The following EFCAB5 variants were observed in gnomAD, a reference collection of about 807,000 sequenced individuals.
The protein encoded by EFCAB5 is EF-hand calcium-binding domain-containing protein 5.
In EFCAB5, 131 loss-of-function variants were observed where a neutral mutation model predicts 167.9. That is an observed-to-expected ratio of 0.78 (90% CI 0.68 to 0.90). The LOEUF (loss-of-function observed/expected upper bound fraction) is 0.90. Among genes scored for constraint, EFCAB5 ranks in the 40% least tolerant of loss-of-function variants. The probability of loss-of-function intolerance (pLI) is 0.00; values close to 1 mark genes in which losing one functional copy is unlikely to be tolerated. For synonymous variants in EFCAB5, 574 were observed against 602.8 expected, an observed-to-expected ratio of 0.95 and a Z score of 0.70; for missense variants, 1,663 against 1,745.2, an observed-to-expected ratio of 0.95 and a Z score of 0.84.
intron 14 of EFCAB5, chr17:30,073,748 A>T (rs918259866): frequency 3.5e-5 from 24 of 693,826 alleles, no homozygotes; most frequent in South Asian, 3.4e-4. Flanking sequence ...TACATGCCCT[A>T]TGCATCCCAT....
At chr17:30,000,050 C>A in intron 7 of EFCAB5, 74 bp downstream of exon 7, 2 of 1,083,966 alleles carry the variant, frequency 1.8e-6, no homozygotes, top group Non-Finnish European at 2.7e-6. Flanking sequence ...GGCTGTCACA[C>A]ATCATTAAAT....
intron 14 of EFCAB5, among the ~76,000 whole-genome samples, chr17:30,063,916 C>T (rs2070491989): frequency 6.6e-6 from 1 of 152,236 alleles, no homozygotes; most frequent in Non-Finnish European, 1.5e-5. Flanking sequence ...ATGTTGAACA[C>T]AGCTGAAGAA....
intron 4 of EFCAB5, among the ~76,000 whole-genome samples, chr17:29,987,844 C>T (rs188433336): frequency 1.1e-3 from 165 of 152,264 alleles, no homozygotes; most frequent in Middle Eastern, 6.8e-3. Flanking sequence ...ATGTTTAACA[C>T]GGGCAGAAGA....
At chr17:30,023,358 G>A (rs896583268) in intron 7 of EFCAB5, among the ~76,000 whole-genome samples, 60 of 151,878 alleles carry the variant, frequency 4.0e-4, no homozygotes, top group Non-Finnish European at 5.9e-4. Context: ...TATCACCACC[G>A]ATCCCACAGA....
intron 8 of EFCAB5, among the ~76,000 whole-genome samples, chr17:30,048,124 A>C (rs1200318642): frequency 6.6e-6 from 1 of 152,172 alleles, no homozygotes; most frequent in Non-Finnish European, 1.5e-5. Context: ...GTCAGATAAT[A>C]AATGCTATTT....
At chr17:30,062,591 T>C (rs1484236949) in intron 14 of EFCAB5, among the ~76,000 whole-genome samples, 2 of 152,210 alleles carry the variant, frequency 1.3e-5, no homozygotes, top group Admixed American at 6.5e-5. Context: ...GTGGCCCGTG[T>C]GGCTACTGCA....
At chr17:30,060,379 T>A (rs1456550312) in intron 14 of EFCAB5, among the ~76,000 whole-genome samples, 4 of 152,196 alleles carry the variant, frequency 2.6e-5, no homozygotes. Flanking sequence ...TTTTGTGTAT[T>A]ATATTTTTCT....
chr17:29,992,621 C>G (rs1351059966), intron 4 of EFCAB5, among the ~76,000 whole-genome samples: 1 of 152,178 alleles, frequency 6.6e-6, no homozygotes. Context: ...GCTGGGATTA[C>G]AGGCATGAGC....
chr17:29,958,564 A>G (rs2067661387), intron 3 of EFCAB5, among the ~76,000 whole-genome samples: 2 of 152,180 alleles, frequency 1.3e-5, no homozygotes, highest in African/African-American at 4.8e-5. Flanking sequence ...CTTGAATTTC[A>G]TTGAGCTTCC....
chr17:30,055,657 A>C (rs996828407), intron 10 of EFCAB5, among the ~76,000 whole-genome samples: 3 of 152,162 alleles, frequency 2.0e-5, no homozygotes, highest in Non-Finnish European at 2.9e-5. Flanking sequence ...ATGTAGCCTC[A>C]TTTTGCATGG....
Position 30,078,305 on chromosome 17 carries a change from T to C in EFCAB5, c.2828T>C (p.Val943Ala). Residue 943 changes from valine (V) to alanine (A), a missense_variant, in exon 15 of 23, where the codon GTG becomes GCG. By Grantham distance (64) the Val-to-Ala change is moderately conservative (BLOSUM62 0). Coordinates refer to ENST00000394835, the MANE Select transcript of EFCAB5 (RefSeq NM_198529.4). ...TTTCAGAATTACATAGAATTGGTTG[T>C]GTCTGAACTCAGGGGCAATGAAGAC... ...KQFQNYIELV[V>A]SELRGNEDQV... 6.2e-7 allele frequency: 1 copy of C among 1,614,034 alleles called. No individual in the cohort carries two copies. Among genetic ancestry groups the C allele is most frequent in the Non-Finnish European group, 8.5e-7 (1 of 1,179,886 alleles).
At chr17:30,105,398 A>G (rs2071436183) in intron 22 of EFCAB5, among the ~76,000 whole-genome samples, 1 of 152,140 alleles carries the variant, frequency 6.6e-6, no homozygotes, top group Non-Finnish European at 1.5e-5. Context: ...GAGGCAGGAA[A>G]ATCGCTTGAA....
In EFCAB5 at chr17:30,057,723, GGCAGAACTGC is replaced by G; in HGVS notation, c.2414_2423del (p.Gly805AlafsTer26). The G allele has an allele frequency of 6.2e-7, 1 of 1,613,766 alleles. No individual in the cohort carries two copies. Among genetic ancestry groups the G allele is most frequent in the East Asian group, 2.2e-5 (1 of 44,874 alleles). The stretch of plus-strand genomic sequence containing the variant: ...TATTCAGTCTTGCAAGGAGGTAAAA[GGCAGAACTGC>G]CTTCAATGGAGTTTCATTCAATCTG... On this transcript the variant is annotated frameshift_variant, in exon 13 of 23. Coordinates refer to ENST00000394835, the MANE Select transcript of EFCAB5 (RefSeq NM_198529.4). LOFTEE classifies it high-confidence loss of function.
chr17:29,966,032 A>AT (rs1322271285), intron 3 of EFCAB5, among the ~76,000 whole-genome samples: 1 of 151,956 alleles, frequency 6.6e-6, no homozygotes, highest in Non-Finnish European at 1.5e-5. Flanking sequence ...TCCTGTGTTT[A>AT]TTTGGTAGGC....
chr17:30,068,502 C>CA, intron 14 of EFCAB5: 2 of 542,132 alleles, frequency 3.7e-6, no homozygotes, highest in Admixed American at 3.7e-5. Context: ...AAGAGGACAC[C>CA]AAAAAATGGA....
At chr17:30,013,641 T>C (rs1345721499) in intron 7 of EFCAB5, among the ~76,000 whole-genome samples, 1 of 152,242 alleles carries the variant, frequency 6.6e-6, no homozygotes, top group Non-Finnish European at 1.5e-5. Flanking sequence ...GTGGGATCAG[T>C]GGTGATATCC....
intron 3 of EFCAB5, among the ~76,000 whole-genome samples, chr17:29,944,072 TA>T: frequency 6.6e-6 from 1 of 152,256 alleles, no homozygotes; most frequent in East Asian, 1.9e-4. Flanking sequence ...TTTCAGGGGA[TA>T]TTTTATTTTA....
intron 4 of EFCAB5, among the ~76,000 whole-genome samples, chr17:29,978,053 T>C (rs2068097292): frequency 6.6e-6 from 1 of 152,168 alleles, no homozygotes; most frequent in Admixed American, 6.5e-5. Flanking sequence ...ACAGAGGGAA[T>C]GTTTCATCCT....
intron 3 of EFCAB5, among the ~76,000 whole-genome samples, chr17:29,956,581 G>T (rs1396297263): frequency 6.6e-6 from 1 of 152,178 alleles, no homozygotes; most frequent in African/African-American, 2.4e-5. Context: ...ATCAAGTTTG[G>T]TTACAGTTCA....
Sources: gnomAD v4.1 joint callset for allele counts (sites outside exome capture counted in the v4.1 genomes callset) on GRCh38, gnomAD v4.1.1 for gene constraint, MANE v1.5 for transcripts, NCBI Gene and HGNC (gene_info 2026-07-23, HGNC 2026-07-21) for gene names.